DEPDC1B: variants seen among roughly 807,000 people sequenced by gnomAD.
DEPDC1B encodes DEP domain-containing protein 1B.
DEPDC1B carries 51 observed loss-of-function variants against 66.5 expected under a neutral mutation model. The observed-to-expected ratio is 0.77, with a 90% CI of 0.61 to 0.97. The LOEUF is 0.97. Ranked by LOEUF, DEPDC1B falls within the 50% of genes least tolerant of loss-of-function variation. The pLI is 0.00. For missense variants in DEPDC1B, 552 were observed against 637.1 expected (o/e 0.87, Z 1.44); for synonymous variants, 226 against 223.6 (o/e 1.01, Z -0.10).
At chr5:60,628,471 G>C (rs142984890) in intron 7 of DEPDC1B, 1 of 152,204 alleles carries the variant, frequency 6.6e-6, no homozygotes, top group African/African-American at 2.4e-5. Context: ...AGAGTTAATT[G>C]TAGTTTTTGA....
chr5:60,684,175 C>T (rs1393538371), intron 2 of DEPDC1B, among the ~76,000 whole-genome samples: 1 of 152,132 alleles, frequency 6.6e-6, no homozygotes, highest in East Asian at 1.9e-4. Context: ...GACCATACTA[C>T]CCAAAGCAAT....
At chr5:60,648,564 A>G (rs929780739) in intron 2 of DEPDC1B, among the ~76,000 whole-genome samples, 3 of 152,220 alleles carry the variant, frequency 2.0e-5, no homozygotes, top group Non-Finnish European at 2.9e-5. Context: ...AGGTTGAGGA[A>G]AACTATGATT....
chr5:60,667,773 T>TTACATATATATAAAAAATGGATATTA (rs1561384116), intron 2 of DEPDC1B, among the ~76,000 whole-genome samples: 3 of 82,168 alleles, frequency 3.7e-5, no homozygotes, highest in Non-Finnish European at 8.0e-5. Flanking sequence ...AATGGATATT[T>TTACATATATATAAAAAATGGATATTA]TACATATATA....
chr5:60,642,519 A>T (rs1170721530), intron 6 of DEPDC1B, among the ~76,000 whole-genome samples: 1 of 152,168 alleles, frequency 6.6e-6, no homozygotes, highest in Non-Finnish European at 1.5e-5. Context: ...ATTTCTCTAC[A>T]TGGCAGGTTC....
At chr5:60,647,935 A>G (rs1484042579) in intron 2 of DEPDC1B, 1 of 154,308 alleles carries the variant, frequency 6.5e-6, no homozygotes, top group East Asian at 1.9e-4. Flanking sequence ...GAAAAAAATC[A>G]TACAAATAAC....
intron 7 of DEPDC1B, among the ~76,000 whole-genome samples, chr5:60,617,990 A>G (rs1752601772): frequency 6.6e-6 from 1 of 152,226 alleles, no homozygotes; most frequent in African/African-American, 2.4e-5. Flanking sequence ...AAACTCACTC[A>G]AAACCGCTCG....
intron 7 of DEPDC1B, among the ~76,000 whole-genome samples, chr5:60,634,995 G>A (rs1390538146): frequency 6.7e-6 from 1 of 149,572 alleles, no homozygotes; most frequent in Non-Finnish European, 1.5e-5. Flanking sequence ...GAAGATGGAG[G>A]TTGCGGTGAG....
At chr5:60,616,992 T>C (rs572375721) in intron 7 of DEPDC1B, among the ~76,000 whole-genome samples, 1 of 151,978 alleles carries the variant, frequency 6.6e-6, no homozygotes, top group African/African-American at 2.4e-5. Flanking sequence ...TCAACATTCC[T>C]GAAGGAAAGA....
intron 2 of DEPDC1B, among the ~76,000 whole-genome samples, chr5:60,663,366 A>G (rs557871247): frequency 8.7e-4 from 132 of 152,278 alleles, no homozygotes; most frequent in African/African-American, 3.1e-3. Flanking sequence ...GCAATACTCC[A>G]ATTTTAGGAG....
intron 8 of DEPDC1B, among the ~76,000 whole-genome samples, chr5:60,605,100 A>G (rs559393373): frequency 3.9e-5 from 6 of 152,324 alleles, no homozygotes; most frequent in African/African-American, 1.4e-4. Context: ...AACTCTCTTT[A>G]AAAACATATG....
intron 7 of DEPDC1B, among the ~76,000 whole-genome samples, chr5:60,617,650 G>A (rs1752592590): frequency 6.6e-6 from 1 of 152,148 alleles, no homozygotes; most frequent in Admixed American, 6.6e-5. Context: ...AGTCCTTAGA[G>A]ACCTACTAAG....
At chr5:60,620,098 T>G (rs922462999) in intron 7 of DEPDC1B, among the ~76,000 whole-genome samples, 1 of 152,338 alleles carries the variant, frequency 6.6e-6, no homozygotes, top group African/African-American at 2.4e-5. Flanking sequence ...TGTAGAAAGC[T>G]GAAACTAGAT....
chr5:60,669,745 C>A (rs1157039697), intron 2 of DEPDC1B, among the ~76,000 whole-genome samples: 1 of 152,126 alleles, frequency 6.6e-6, no homozygotes, highest in East Asian at 1.9e-4. Flanking sequence ...TTCCTTATTC[C>A]ACATGAATAA....
At chr5:60,607,315 T>C (rs1198861966) in intron 7 of DEPDC1B, among the ~76,000 whole-genome samples, 2 of 152,144 alleles carry the variant, frequency 1.3e-5, no homozygotes, top group Admixed American at 6.6e-5. Context: ...AGAAGACAGA[T>C]CTTTTCTAGA....
At chr5:60,696,124 T>A (rs1754648790) in intron 1 of DEPDC1B, among the ~76,000 whole-genome samples, 1 of 152,188 alleles carries the variant, frequency 6.6e-6, no homozygotes, top group Admixed American at 6.5e-5. Context: ...GAAGTTCATT[T>A]CTTTTTGTGA....
At chr5:60,698,513 T>C (rs1322172195) in intron 1 of DEPDC1B, among the ~76,000 whole-genome samples, 1 of 152,172 alleles carries the variant, frequency 6.6e-6, no homozygotes, top group African/African-American at 2.4e-5. Flanking sequence ...CATCCAGTAA[T>C]AGCCAAGTCA....
chr5:60,647,239 T>A (rs1174088713), intron 3 of DEPDC1B, among the ~76,000 whole-genome samples, 159 bp downstream of exon 3: 1 of 152,174 alleles, frequency 6.6e-6, no homozygotes, highest in Non-Finnish European at 1.5e-5. Context: ...AGAGTCATTC[T>A]TTCCTTGTTA....
intron 6 of DEPDC1B, 35 bp downstream of exon 6, chr5:60,642,777 T>C (rs1278143273): frequency 1.3e-6 from 2 of 1,586,998 alleles, no homozygotes; most frequent in Non-Finnish European, 1.7e-6. Context: ...TAATTTCTGT[T>C]AATTTCACAA....
rs1347106829 is a variant in DEPDC1B at position 60,642,864 on chromosome 5, A to G, written c.710-5T>C. The G allele has an allele frequency of 6.2e-7, 1 of 1,609,658 alleles. No homozygotes were observed. The highest frequency in any genetic ancestry group is 8.5e-7 in the Non-Finnish European group (1 of 1,178,206). On this transcript the variant is annotated splice_region_variant and splice_polypyrimidine_tract_variant and intron_variant, in intron 5 of 10. Coordinates refer to ENST00000265036, the MANE Select transcript of DEPDC1B (RefSeq NM_018369.3). ...GCACCCAATGAGGAAGTTCTTCTGA[A>G]GGAAAAAGAAAATTTGTACTCAATT...
Sources: gnomAD v4.1 joint callset for allele counts (sites outside exome capture counted in the v4.1 genomes callset) on GRCh38, gnomAD v4.1.1 for gene constraint, MANE v1.5 for transcripts, NCBI Gene and HGNC (gene_info 2026-07-23, HGNC 2026-07-21) for gene names.